TIPRL: variants seen among roughly 807,000 people sequenced by gnomAD.
TIPRL encodes TIP41-like protein.
TIPRL carries 10 observed loss-of-function variants against 32.3 expected under a neutral mutation model. The observed-to-expected ratio is 0.31, with a 90% confidence interval of 0.19 to 0.52. The LOEUF is 0.52. Among genes scored for constraint, TIPRL ranks in the 20% least tolerant of loss-of-function variants. The pLI, the probability that TIPRL is intolerant of heterozygous loss-of-function variation, is 0.96. For synonymous variants in TIPRL, 100 were observed against 114.0 expected (o/e 0.88, Z 0.78); for missense variants, 250 against 328.1 (o/e 0.76, Z 1.84).
intron 5 of TIPRL, among the ~76,000 whole-genome samples, chr1:168,197,860 A>G (rs1215363957): frequency 1.3e-5 from 2 of 152,196 alleles, no homozygotes; most frequent in African/African-American, 4.8e-5. Context: ...TAATTAAACA[A>G]TATTGAATTT....
intron 4 of TIPRL, chr1:168,192,137 G>T: frequency 7.3e-7 from 1 of 1,360,572 alleles, no homozygotes; most frequent in East Asian, 3.1e-5. Context: ...CGGCAAGGTG[G>T]ATGTCATTTT....
intron 1 of TIPRL, among the ~76,000 whole-genome samples, chr1:168,182,416 A>G (rs1699977155): frequency 6.6e-6 from 1 of 152,172 alleles, no homozygotes; most frequent in South Asian, 2.1e-4. Context: ...ACCTGAGGTC[A>G]GGAGTTCGAG....
intron 3 of TIPRL, among the ~76,000 whole-genome samples, chr1:168,190,849 T>A (rs1700087670): frequency 6.6e-6 from 1 of 152,236 alleles, no homozygotes. Context: ...GCTAAGAGTT[T>A]CCCTCAGAAT....
chr1:168,195,970 G>A (rs1442538605), intron 4 of TIPRL, among the ~76,000 whole-genome samples: 6 of 152,136 alleles, frequency 3.9e-5, no homozygotes, highest in African/African-American at 1.2e-4. Flanking sequence ...CACTGATTCT[G>A]CCTATCATTA....
intron 3 of TIPRL, among the ~76,000 whole-genome samples, chr1:168,189,368 A>G (rs1700065002): frequency 6.6e-6 from 1 of 152,136 alleles, no homozygotes; most frequent in Non-Finnish European, 1.5e-5. Flanking sequence ...TTTTTGAGAT[A>G]GAGTTTCATT....
chr1:168,192,884 C>T (rs934639714), intron 4 of TIPRL, among the ~76,000 whole-genome samples: 3 of 119,092 alleles, frequency 2.5e-5, no homozygotes, highest in African/African-American at 1.1e-4. Context: ...GACTCCGTCT[C>T]AAAACAAACA....
intron 4 of TIPRL, among the ~76,000 whole-genome samples, chr1:168,194,595 T>C (rs1700133544): frequency 1.3e-5 from 2 of 152,236 alleles, no homozygotes; most frequent in African/African-American, 4.8e-5. Context: ...TAATGTCAAA[T>C]AATAATGATG....
At chr1:168,196,288 T>G (rs985266549) in intron 4 of TIPRL, among the ~76,000 whole-genome samples, 4 of 152,158 alleles carry the variant, frequency 2.6e-5, no homozygotes, top group African/African-American at 7.2e-5. Context: ...TGTTTTTAAG[T>G]CTTTTAAACC....
intron 6 of TIPRL, among the ~76,000 whole-genome samples, chr1:168,199,182 G>A (rs1051226239): frequency 6.6e-6 from 1 of 152,056 alleles, no homozygotes; most frequent in Admixed American, 6.6e-5. Flanking sequence ...GAGCTGCTAG[G>A]TACTTAAGCC....
At chr1:168,187,341 C>T (rs1246227794) in intron 3 of TIPRL, among the ~76,000 whole-genome samples, 1 of 152,186 alleles carries the variant, frequency 6.6e-6, no homozygotes, top group Non-Finnish European at 1.5e-5. Context: ...TTAGGAAAAG[C>T]CTCCTGGAGG....
intron 4 of TIPRL, among the ~76,000 whole-genome samples, chr1:168,194,746 A>G (rs1700134918): frequency 1.3e-5 from 2 of 152,280 alleles, no homozygotes; most frequent in Admixed American, 6.5e-5. Flanking sequence ...TTCTCCAGCA[A>G]AGGTATTAAT....
intron 5 of TIPRL, among the ~76,000 whole-genome samples, chr1:168,198,382 C>G (rs1207892353): frequency 6.6e-6 from 1 of 151,746 alleles, no homozygotes; most frequent in African/African-American, 2.4e-5. Context: ...AGTTGCTGTT[C>G]TAAAACCTAA....
At chr1:168,189,789 CATAA>C (rs1700069549) in intron 3 of TIPRL, among the ~76,000 whole-genome samples, 1 of 152,128 alleles carries the variant, frequency 6.6e-6, no homozygotes, top group African/African-American at 2.4e-5. Context: ...GAGACAATAG[CATAA>C]ATAAGTTAAA....
At chr1:168,194,609 T>C (rs956432697) in intron 4 of TIPRL, among the ~76,000 whole-genome samples, 1 of 152,238 alleles carries the variant, frequency 6.6e-6, no homozygotes, top group Admixed American at 6.5e-5. Flanking sequence ...AATGATGTGC[T>C]TCTCAATTTG....
chr1:168,192,056 TTAACTC>T, intron 4 of TIPRL: 1 of 917,036 alleles, frequency 1.1e-6, no homozygotes, highest in East Asian at 4.6e-5. Context: ...TGTTTATTAT[TTAACTC>T]TAATGAAGAC....
Position 168,197,287 on chromosome 1 carries a change from GAAA to G in TIPRL, c.612+657_612+659del, listed in dbSNP as rs60707184. On this transcript the variant is annotated intron_variant, in intron 5 of 6. Coordinates refer to ENST00000367833, the MANE Select transcript of TIPRL (RefSeq NM_152902.5). Reference sequence around the variant, plus strand: ...TGACAGAGCAAGACCCTGTCTCAAAGAAAAAAAAAAAAAAGAAACATACCTAAG... The same window carrying G: ...TGACAGAGCAAGACCCTGTCTCAAAGAAAAAAAAAAAGAAACATACCTAAG... Among the ~76,000 whole-genome samples, 31 of 144,110 alleles carry G rather than the reference GAAA, an allele frequency of 2.2e-4. No individual in the cohort carries two copies. The East Asian group carries it at 3.9e-3, about 18-fold the overall frequency. The allele number at this position is 144,110 out of a possible 152,430, so 94.5% of individuals were successfully genotyped here.
At chr1:168,190,062 T>C (rs906951493) in intron 3 of TIPRL, among the ~76,000 whole-genome samples, 1 of 152,232 alleles carries the variant, frequency 6.6e-6, no homozygotes, top group Admixed American at 6.5e-5. Context: ...AATTTACAAG[T>C]GTGTGTATTT....
At chr1:168,180,820 C>CTTTTTTTTTTTTTTT (rs71118909) in intron 1 of TIPRL, among the ~76,000 whole-genome samples, 2 of 124,166 alleles carry the variant, frequency 1.6e-5, no homozygotes, top group African/African-American at 3.0e-5. Context: ...TTTTTTATAA[C>CTTTTTTTTTTTTTTT]TTTTTTTTTT....
intron 3 of TIPRL, among the ~76,000 whole-genome samples, chr1:168,187,997 A>T (rs987972628): frequency 2.0e-5 from 3 of 152,106 alleles, no homozygotes; most frequent in African/African-American, 7.2e-5. Context: ...TTGCAGTAAG[A>T]TCTCAATAAA....
Sources: allele counts gnomAD v4.1 joint callset (sites outside exome capture counted in the v4.1 genomes callset), GRCh38; gene constraint gnomAD v4.1.1; transcripts MANE v1.5; gene names NCBI Gene and HGNC (gene_info 2026-07-23, HGNC 2026-07-21).